The following CDH12 variants were observed in gnomAD, a reference collection of about 807,000 sequenced individuals.
CDH12 encodes cadherin 12, also known as cadherin-12.
A neutral mutation model predicts 74.1 loss-of-function variants in CDH12; 41 were observed. The ratio of observed to expected loss-of-function variants is 0.55; its 90% CI spans 0.43 to 0.72. The LOEUF is 0.72. CDH12 is among the 30% of genes least tolerant of loss of function. CDH12 has a pLI of 0.00. For synonymous variants in CDH12, 399 were observed against 355.0 expected, an observed-to-expected ratio of 1.12 and a Z score of -1.39; for missense variants, 945 against 977.2, an observed-to-expected ratio of 0.97 and a Z score of 0.44.
At chr5:22,427,965 TAAAAG>T (rs1410099304) in intron 2 of CDH12, among the ~76,000 whole-genome samples, 1 of 152,176 alleles carries the variant, frequency 6.6e-6, no homozygotes, top group African/African-American at 2.4e-5. Context: ...TCTATTACTA[TAAAAG>T]AAAAGAAGAA....
intron 1 of CDH12, among the ~76,000 whole-genome samples, chr5:22,536,374 T>A (rs1447639926): frequency 1.3e-5 from 2 of 152,188 alleles, no homozygotes; most frequent in Admixed American, 1.3e-4. Flanking sequence ...AAATGTAGCA[T>A]GTGCTCCATA....
intron 3 of CDH12, among the ~76,000 whole-genome samples, chr5:22,268,394 T>C (rs927796409): frequency 3.9e-5 from 6 of 152,052 alleles, no homozygotes; most frequent in Non-Finnish European, 7.4e-5. Flanking sequence ...ATACTTGAAA[T>C]AGCAGTTTTA....
intron 1 of CDH12, among the ~76,000 whole-genome samples, chr5:22,748,371 T>C (rs1407197531): frequency 6.6e-6 from 1 of 151,530 alleles, no homozygotes; most frequent in Non-Finnish European, 1.5e-5. Flanking sequence ...TCCCAAAATA[T>C]AGATAATACT....
At chr5:22,632,734 G>C (rs956407984) in intron 1 of CDH12, among the ~76,000 whole-genome samples, 2 of 152,000 alleles carry the variant, frequency 1.3e-5, no homozygotes, top group Non-Finnish European at 2.9e-5. Flanking sequence ...TGTAAGGAGA[G>C]AGAGAAATAA....
chr5:22,024,218 A>G (rs1008189249), intron 5 of CDH12, among the ~76,000 whole-genome samples: 5 of 152,208 alleles, frequency 3.3e-5, no homozygotes, highest in African/African-American at 1.2e-4. Context: ...TTTATCTTGT[A>G]TAATACATTA....
At chr5:22,738,420 A>G (rs1251372151) in intron 1 of CDH12, among the ~76,000 whole-genome samples, 1 of 152,056 alleles carries the variant, frequency 6.6e-6, no homozygotes, top group African/African-American at 2.4e-5. Context: ...TCCATAAGCA[A>G]GATGACCATT....
At chr5:21,985,351 G>A (rs1757470252) in intron 5 of CDH12, among the ~76,000 whole-genome samples, 2 of 151,802 alleles carry the variant, frequency 1.3e-5, no homozygotes, top group South Asian at 2.1e-4. Flanking sequence ...TACTTAATAC[G>A]GACATCTTTA....
chr5:22,807,061 G>A (rs1474056743), intron 1 of CDH12, among the ~76,000 whole-genome samples: 3 of 152,144 alleles, frequency 2.0e-5, no homozygotes, highest in Non-Finnish European at 4.4e-5. Context: ...CCTATGTCCT[G>A]AATGGTATTG....
chr5:22,532,452 A>T (rs1393112603), intron 1 of CDH12, among the ~76,000 whole-genome samples: 1 of 146,460 alleles, frequency 6.8e-6, no homozygotes, highest in Non-Finnish European at 1.5e-5. Context: ...TATTTGAAAA[A>T]TCTGGATTTG....
At chr5:22,489,038 G>A (rs1357163541) in intron 2 of CDH12, among the ~76,000 whole-genome samples, 5 of 72,792 alleles carry the variant, frequency 6.9e-5, no homozygotes, top group South Asian at 4.1e-4. Context: ...GAAAGTAATT[G>A]CAGTTTTTTG....
At chr5:21,942,355 C>CATATATATATATATATAT (rs1472839509) in intron 6 of CDH12, among the ~76,000 whole-genome samples, 2 of 129,384 alleles carry the variant, frequency 1.5e-5, no homozygotes, top group African/African-American at 7.1e-5. Flanking sequence ...TATACACACA[C>CATATATATATATATATAT]ACACACACAC....
At chr5:22,559,468 A>C (rs911557340) in intron 1 of CDH12, among the ~76,000 whole-genome samples, 15 of 152,082 alleles carry the variant, frequency 9.9e-5, no homozygotes, top group Admixed American at 7.2e-4. Flanking sequence ...AAATACACCA[A>C]CATATGCACA....
chr5:22,469,706 A>C (rs1745879939), intron 2 of CDH12, among the ~76,000 whole-genome samples: 1 of 152,116 alleles, frequency 6.6e-6, no homozygotes, highest in African/African-American at 2.4e-5. Context: ...ACTGACTTTT[A>C]GTGGTGTATA....
intron 3 of CDH12, among the ~76,000 whole-genome samples, chr5:22,399,078 G>T (rs1474104749): frequency 6.6e-6 from 1 of 152,032 alleles, no homozygotes; most frequent in Admixed American, 6.6e-5. Context: ...GTTTCTGCTA[G>T]TGTATTTGTG....
rs141926478 is a variant in CDH12, at chr5:21,932,017, G to A, written c.526+43074C>T. On this transcript the variant is annotated intron_variant, in intron 6 of 14. Coordinates refer to ENST00000382254, the MANE Select transcript of CDH12 (RefSeq NM_004061.5). ...TTTAATCTTTCAATTTTATAATCAC[G>A]GCATTTTAACAACTTTTACTGATGT... Among the ~76,000 whole-genome samples, 697 of 152,166 alleles carry A rather than the reference G, an allele frequency of 4.6e-3. 7 individuals carry two copies. The highest frequency in any genetic ancestry group is 0.016 in the African/African-American group (657 of 41,528).
In CDH12 at chr5:22,436,290, GGGGGA is replaced by G. The variant is rs1288843767; in HGVS notation, c.-427-30944_-427-30940del. ...GTTGTGGGGTAGGGGGAGGGGGGAG[GGGGGA>G]GGGGGGAGGGGGGAGGGATAGCATT... is the stretch of plus-strand genomic sequence containing the variant. On this transcript the variant is annotated intron_variant, in intron 2 of 14. Coordinates refer to ENST00000382254, the MANE Select transcript of CDH12 (RefSeq NM_004061.5). Among the ~76,000 whole-genome samples the G allele has an allele frequency of 2.3e-3, 49 of 21,512 alleles. 1 individual carries two copies. The highest frequency in any genetic ancestry group is 7.4e-3 in the African/African-American group (48 of 6,480). 14.1% of individuals were successfully genotyped at this position (21,512 alleles called of 152,430 possible).
intron 4 of CDH12, among the ~76,000 whole-genome samples, chr5:22,133,494 A>G (rs1262383603): frequency 6.6e-6 from 1 of 152,126 alleles, no homozygotes. Flanking sequence ...GATAAAACTT[A>G]GACTCATATT....
At chr5:21,876,855 G>A (rs887996169) in intron 6 of CDH12, among the ~76,000 whole-genome samples, 1 of 152,092 alleles carries the variant, frequency 6.6e-6, no homozygotes. Context: ...TAAGATTCAG[G>A]GCTACTTCAT....
intron 1 of CDH12, among the ~76,000 whole-genome samples, chr5:22,746,594 G>A (rs539089622): frequency 6.6e-5 from 10 of 152,172 alleles, no homozygotes; most frequent in Admixed American, 2.6e-4. Context: ...CTGACAGTAC[G>A]TTTAGGATAA....
Sources: allele counts gnomAD v4.1 joint callset (sites outside exome capture counted in the v4.1 genomes callset), GRCh38; gene constraint gnomAD v4.1.1; transcripts MANE v1.5; gene names NCBI Gene and HGNC (gene_info 2026-07-23, HGNC 2026-07-21).